The following CHRDL1 variants were observed in gnomAD, a reference collection of about 807,000 sequenced individuals.
CHRDL1 encodes chordin-like protein 1.
CHRDL1 carries 19 observed loss-of-function variants against 40.9 expected under a neutral mutation model. The observed-to-expected ratio is 0.46, with a 90% CI of 0.32 to 0.68. The LOEUF (loss-of-function observed/expected upper bound fraction) is 0.68. Among genes scored for constraint, CHRDL1 ranks in the 30% least tolerant of loss-of-function variants. CHRDL1 has a pLI of 0.03. For missense variants in CHRDL1, 329 were observed against 352.1 expected (o/e 0.93, Z 0.53); for synonymous variants, 136 against 123.4 (o/e 1.10, Z -0.68).
chrX:110,712,149 T>C (rs1169774862), intron 6 of CHRDL1, among the ~76,000 whole-genome samples: 1 of 111,950 alleles, frequency 8.9e-6, no homozygotes, highest in Non-Finnish European at 1.9e-5. Flanking sequence ...GCAATAACAG[T>C]GCAAGAATAT....
intron 2 of CHRDL1, among the ~76,000 whole-genome samples, chrX:110,777,224 G>A (rs1473271253): frequency 9.0e-6 from 1 of 111,184 alleles, no homozygotes; most frequent in Non-Finnish European, 1.9e-5. Context: ...TGCATTTACC[G>A]AAGTTTATTC....
At chrX:110,709,065 T>C (rs917368745) in intron 6 of CHRDL1, among the ~76,000 whole-genome samples, 2 of 112,471 alleles carry the variant, frequency 1.8e-5, no homozygotes, top group African/African-American at 3.2e-5. Flanking sequence ...TTCCTACTTA[T>C]GTGACTTTGG....
intron 4 of CHRDL1, among the ~76,000 whole-genome samples, chrX:110,734,296 G>T (rs899572481): frequency 3.6e-5 from 4 of 112,126 alleles, no homozygotes; most frequent in African/African-American, 1.3e-4. Flanking sequence ...ACTCTGTCCA[G>T]ATTCTGTGGC....
intron 4 of CHRDL1, among the ~76,000 whole-genome samples, chrX:110,727,111 G>T: frequency 8.9e-6 from 1 of 112,088 alleles, no homozygotes; most frequent in Non-Finnish European, 1.9e-5. Flanking sequence ...TGGAAGAGAG[G>T]TCAAATAATC....
At chrX:110,725,046 G>C (rs2071030224) in intron 4 of CHRDL1, among the ~76,000 whole-genome samples, 1 of 111,632 alleles carries the variant, frequency 9.0e-6, no homozygotes, top group Admixed American at 9.5e-5. Context: ...GAATGACCAG[G>C]CTGCGTGGCT....
At chrX:110,770,029 T>C (rs2089727084) in intron 2 of CHRDL1, among the ~76,000 whole-genome samples, 1 of 112,434 alleles carries the variant, frequency 8.9e-6, no homozygotes, top group Non-Finnish European at 1.9e-5. Flanking sequence ...GAATTCCAAT[T>C]TATTTTTCAA....
Position 110,721,496 on chromosome X carries a change from G to A in CHRDL1, c.336C>T (p.Thr112=). The A allele has an allele frequency of 8.3e-7, 1 of 1,208,276 alleles. No homozygotes were observed. The highest frequency in any genetic ancestry group is 1.8e-5 in the South Asian group (1 of 56,879). ...DSLPPVNNKV[T]SKSCEYNGTT... The stretch of plus-strand genomic sequence containing the variant: ...TCCCATTGTACTCGCAAGACTTGCT[G>A]GTCACCTTATTGTTCACTGGGGGTA... Residue 112 remains threonine (T), a synonymous_variant, in exon 5 of 12, where the codon ACC becomes ACT. Transcript: ENST00000372042.
At position 110,674,457 on chromosome X, in the gene CHRDL1, C is replaced by CCACACACACACACACACA. The variant is rs72056903; in HGVS notation, c.*1756_*1773dup. ...GCCGCATAACACCTTCCCCCCTTTACCACACACACACACACACACACACAC... is the reference window on the plus strand; with the variant it reads ...GCCGCATAACACCTTCCCCCCTTTACCACACACACACACACACACACACACACACACACACACACACAC... On this transcript the variant is annotated 3_prime_UTR_variant, in exon 12 of 12. Transcript: ENST00000372042. The CCACACACACACACACACA allele has an allele frequency of 2.2e-4, 17 of 78,930 alleles. No individual in the cohort carries two copies. Among genetic ancestry groups the CCACACACACACACACACA allele is most frequent in the African/African-American group, 8.8e-4 (17 of 19,228 alleles). The allele number at this position is 78,930 out of a possible 1,213,427, so 6.5% of individuals were successfully genotyped here.
At position 110,735,482 on chromosome X, in the gene CHRDL1, C is replaced by T. The variant is rs183285959; in HGVS notation, c.302-13952G>A. ...TAGATATTTTGAGGATCTGGATATTCGCCATCTCATGGACACTATTATCTG... is the reference window on the plus strand; with the variant it reads ...TAGATATTTTGAGGATCTGGATATTTGCCATCTCATGGACACTATTATCTG... On this transcript the variant is annotated intron_variant, in intron 4 of 11. Transcript: ENST00000372042. Among the ~76,000 whole-genome samples, 4 of 111,999 alleles carry T rather than the reference C, an allele frequency of 3.6e-5. No individual in the cohort carries two copies. In the East Asian group the frequency reaches 1.1e-3, roughly 31 times the overall value.
chrX:110,702,284 C>T (rs1219594695), intron 6 of CHRDL1, among the ~76,000 whole-genome samples: 3 of 111,734 alleles, frequency 2.7e-5, no homozygotes, highest in Admixed American at 1.9e-4. Flanking sequence ...AATTACCTTC[C>T]ATCTCCCACA....
At chrX:110,742,548 G>A (rs945667799) in intron 4 of CHRDL1, among the ~76,000 whole-genome samples, 2 of 112,723 alleles carry the variant, frequency 1.8e-5, no homozygotes, top group Non-Finnish European at 3.7e-5. Flanking sequence ...AGCCTATTTT[G>A]TGCCTTGGCA....
chrX:110,698,527 T>C (rs766265857), intron 7 of CHRDL1, among the ~76,000 whole-genome samples: 13 of 112,221 alleles, frequency 1.2e-4, no homozygotes, highest in Non-Finnish European at 2.1e-4. Flanking sequence ...TGAAACCATA[T>C]GGCCATTTTG....
intron 10 of CHRDL1, among the ~76,000 whole-genome samples, 195 bp downstream of exon 10, chrX:110,681,287 C>T (rs916311381): frequency 8.9e-6 from 1 of 112,052 alleles, no homozygotes; most frequent in Non-Finnish European, 1.9e-5. Context: ...AGGGTCAGTA[C>T]TTGATCTTTA....
chrX:110,699,471 A>T (rs896339179), intron 7 of CHRDL1, among the ~76,000 whole-genome samples: 2 of 112,128 alleles, frequency 1.8e-5, no homozygotes, highest in Admixed American at 9.5e-5. Flanking sequence ...TAGAAAATCA[A>T]ATATATTTTA....
At chrX:110,794,590 A>G (rs2090154146) in intron 1 of CHRDL1, among the ~76,000 whole-genome samples, 1 of 112,719 alleles carries the variant, frequency 8.9e-6, no homozygotes, top group Non-Finnish European at 1.9e-5. Flanking sequence ...AAGCATTCAC[A>G]TTGTTCATCT....
At chrX:110,715,185 C>T (rs1270916021) in intron 6 of CHRDL1, among the ~76,000 whole-genome samples, 1 of 111,246 alleles carries the variant, frequency 9.0e-6, no homozygotes, top group African/African-American at 3.3e-5. Context: ...TTATCTGTTG[C>T]TTCTGAGGAC....
Position 110,711,280 on chromosome X carries a change from G to A in CHRDL1, c.541+8555C>T, listed in dbSNP as rs2070743021. Among the ~76,000 whole-genome samples, 4 of 111,577 alleles carry A rather than the reference G, an allele frequency of 3.6e-5. No homozygotes were observed. In the South Asian group the frequency reaches 1.5e-3, roughly 42 times the overall value. Reference sequence around the variant, plus strand: ...AGAATGTATAAACTCAAAAATTACTGAGTTAATTTTAATTTTTTTTATTTT... The same window carrying A: ...AGAATGTATAAACTCAAAAATTACTAAGTTAATTTTAATTTTTTTTATTTT... On this transcript the variant is annotated intron_variant, in intron 6 of 11. Coordinates refer to ENST00000372042, the MANE Select transcript of CHRDL1 (RefSeq NM_001143981.2).
At chrX:110,786,336 T>A (rs1205255077) in intron 2 of CHRDL1, among the ~76,000 whole-genome samples, 3 of 112,130 alleles carry the variant, frequency 2.7e-5, no homozygotes, top group Non-Finnish European at 5.6e-5. Flanking sequence ...ATCTCTAATG[T>A]GTATCTAACC....
chrX:110,793,003 A>G (rs2090126378), intron 1 of CHRDL1, among the ~76,000 whole-genome samples: 1 of 112,507 alleles, frequency 8.9e-6, no homozygotes, highest in Admixed American at 9.4e-5. Context: ...TAAGGGGTAG[A>G]AATCTTAAAC....
Sources: gnomAD v4.1 joint callset for allele counts (sites outside exome capture counted in the v4.1 genomes callset) on GRCh38, gnomAD v4.1.1 for gene constraint, MANE v1.5 for transcripts, NCBI Gene and HGNC (gene_info 2026-07-23, HGNC 2026-07-21) for gene names.